IFT25: variants seen among roughly 807,000 people sequenced by gnomAD.
IFT25 encodes intraflagellar transport protein 25 homolog.
At chr1:53,922,027 T>C in the IFT25 span, among the ~76,000 whole-genome samples, 3 of 152,224 alleles carry the variant, frequency 2.0e-5, no homozygotes, top group Non-Finnish European at 2.9e-5. Flanking sequence ...AGGCTGGTCT[T>C]GAACTAGCCT....
chr1:53,940,880 A>T, the IFT25 span, among the ~76,000 whole-genome samples: 2 of 151,492 alleles, frequency 1.3e-5, no homozygotes, highest in African/African-American at 2.4e-5. Flanking sequence ...GCTAATTTTT[A>T]AAAAAATTCT....
At chr1:53,945,640 G>T in the IFT25 span, 1 of 151,406 alleles carries the variant, frequency 6.6e-6, no homozygotes, top group African/African-American at 2.4e-5. Flanking sequence ...GTCCCGACCC[G>T]CAGCTCCGCC....
chr1:53,923,174 G>T, the IFT25 span, among the ~76,000 whole-genome samples: 2 of 152,190 alleles, frequency 1.3e-5, no homozygotes, highest in Non-Finnish European at 2.9e-5. Flanking sequence ...ACTTCCTACA[G>T]AATTTTTTGA....
the IFT25 span, among the ~76,000 whole-genome samples, chr1:53,940,304 C>A: frequency 6.6e-6 from 1 of 152,072 alleles, no homozygotes; most frequent in East Asian, 1.9e-4. Context: ...TGCTACTCTG[C>A]TTCACAAAAT....
chr1:53,936,018 T>C, the IFT25 span, among the ~76,000 whole-genome samples: 1 of 151,858 alleles, frequency 6.6e-6, no homozygotes, highest in African/African-American at 2.4e-5. Context: ...TCCCAGCACT[T>C]TGGGAGGCTG....
At chr1:53,930,083 T>A in the IFT25 span, 3 of 1,577,094 alleles carry the variant, frequency 1.9e-6, no homozygotes, top group South Asian at 3.7e-5. Flanking sequence ...TACATGTTTG[T>A]GGAAACAAAT....
the IFT25 span, among the ~76,000 whole-genome samples, chr1:53,920,497 A>G: frequency 3.4e-4 from 51 of 151,586 alleles, no homozygotes; most frequent in African/African-American, 1.2e-3. Flanking sequence ...GTCCCAGGCT[A>G]ATCTTGTCTA....
the IFT25 span, among the ~76,000 whole-genome samples, chr1:53,925,245 A>C: frequency 6.6e-6 from 1 of 152,138 alleles, no homozygotes; most frequent in Non-Finnish European, 1.5e-5. Flanking sequence ...TACTCTGTCT[A>C]TCTAAAGGTT....
chr1:53,930,300 A>T, the IFT25 span, among the ~76,000 whole-genome samples: 4 of 152,258 alleles, frequency 2.6e-5, no homozygotes, highest in African/African-American at 7.2e-5. Flanking sequence ...CAACTTTAAT[A>T]ATTCTTCTTT....
chr1:53,936,327 G>C, the IFT25 span, among the ~76,000 whole-genome samples: 8 of 152,004 alleles, frequency 5.3e-5, no homozygotes, highest in Admixed American at 2.0e-4. Context: ...GTGCATGCCT[G>C]TAGTCCCAGC....
chr1:53,912,862 C>T, the IFT25 span, among the ~76,000 whole-genome samples: 9 of 152,296 alleles, frequency 5.9e-5, no homozygotes, highest in East Asian at 1.9e-4. Context: ...GTTTACGATT[C>T]GACAGATCTG....
chr1:53,926,038 G>A, the IFT25 span, among the ~76,000 whole-genome samples: 3 of 140,626 alleles, frequency 2.1e-5, no homozygotes, highest in African/African-American at 5.3e-5. Context: ...GGAAGCGGAA[G>A]TTGCAGTGAG....
At chr1:53,944,571 G>A in the IFT25 span, among the ~76,000 whole-genome samples, 1 of 152,250 alleles carries the variant, frequency 6.6e-6, no homozygotes, top group African/African-American at 2.4e-5. Flanking sequence ...CCTGAACCCA[G>A]GAAGCGGAGG....
the IFT25 span, among the ~76,000 whole-genome samples, chr1:53,919,559 C>CT: frequency 6.6e-6 from 1 of 152,186 alleles, no homozygotes; most frequent in East Asian, 1.9e-4. Flanking sequence ...CAGAAAAAAA[C>CT]TGCCAGCATA....
chr1:53,934,580 G>C, the IFT25 span, among the ~76,000 whole-genome samples: 6 of 152,180 alleles, frequency 3.9e-5, no homozygotes, highest in African/African-American at 1.4e-4. Context: ...AAACAACCCA[G>C]ATGTCCATCA....
At chr1:53,920,853 T>C in the IFT25 span, among the ~76,000 whole-genome samples, 1 of 151,864 alleles carries the variant, frequency 6.6e-6, no homozygotes, top group Admixed American at 6.6e-5. Context: ...TTTCTAACCC[T>C]TCTCTGAGGT....
chr1:53,930,554 GT>G, the IFT25 span, among the ~76,000 whole-genome samples: 10 of 149,240 alleles, frequency 6.7e-5, no homozygotes, highest in African/African-American at 2.5e-4. Flanking sequence ...CATTCATGAG[GT>G]TTTTTTTTTA....
chr1:53,929,835 A>T, the IFT25 span: 2 of 766,744 alleles, frequency 2.6e-6, no homozygotes, highest in East Asian at 3.6e-5. Flanking sequence ...AACTGAGCTC[A>T]AGGCATTTAC....
chr1:53,935,509 ATGT>A, the IFT25 span, among the ~76,000 whole-genome samples: 7 of 150,916 alleles, frequency 4.6e-5, no homozygotes, highest in South Asian at 1.4e-3. Flanking sequence ...GGAGATGGCT[ATGT>A]AACTCTGTGA....
Sources: allele counts gnomAD v4.1 joint callset (sites outside exome capture counted in the v4.1 genomes callset), GRCh38; gene constraint gnomAD v4.1.1; transcripts MANE v1.5; gene names NCBI Gene and HGNC (gene_info 2026-07-23, HGNC 2026-07-21).